The following DTNB variants were observed in gnomAD, a reference collection of about 807,000 sequenced individuals.
DTNB encodes dystrobrevin beta.
In DTNB, 63 loss-of-function variants were observed where a neutral mutation model predicts 90.7. The ratio of observed to expected loss-of-function variants is 0.69; its 90% CI spans 0.57 to 0.86. The LOEUF (loss-of-function observed/expected upper bound fraction) is 0.86. Ranked by LOEUF, DTNB falls within the 40% of genes least tolerant of loss-of-function variation. The probability of loss-of-function intolerance (pLI) is 0.00; values close to 1 mark genes in which losing one functional copy is unlikely to be tolerated. For missense variants in DTNB, 744 were observed against 807.1 expected (o/e 0.92, Z 0.95); for synonymous variants, 277 against 286.7 (o/e 0.97, Z 0.34).
At chr2:25,622,856 G>A (rs1222807049) in intron 4 of DTNB, among the ~76,000 whole-genome samples, 2 of 151,890 alleles carry the variant, frequency 1.3e-5, no homozygotes, top group African/African-American at 4.8e-5. Flanking sequence ...AAGACAATAC[G>A]AAACAAGAAC....
At chr2:25,403,310 T>A (rs1443570789) in intron 16 of DTNB, among the ~76,000 whole-genome samples, 5 of 152,198 alleles carry the variant, frequency 3.3e-5, no homozygotes, top group African/African-American at 1.2e-4. Context: ...GAGATGGGGT[T>A]CCGCCATGTT....
At chr2:25,587,816 A>C (rs1487063712) in intron 6 of DTNB, among the ~76,000 whole-genome samples, 2 of 152,130 alleles carry the variant, frequency 1.3e-5, no homozygotes, top group African/African-American at 2.4e-5. Context: ...TACTATAGAG[A>C]CCTGATCATA....
chr2:25,499,820 GGT>G (rs1317773618), intron 9 of DTNB, among the ~76,000 whole-genome samples: 1 of 152,164 alleles, frequency 6.6e-6, no homozygotes, highest in Non-Finnish European at 1.5e-5. Context: ...GGAACACACT[GGT>G]TGCTCAACAA....
intron 14 of DTNB, among the ~76,000 whole-genome samples, chr2:25,430,431 T>C (rs1485920695): frequency 1.3e-5 from 2 of 152,144 alleles, no homozygotes; most frequent in African/African-American, 2.4e-5. Flanking sequence ...TTATCTGTAC[T>C]GTGTGTGACC....
At chr2:25,580,170 C>G (rs1051666071) in intron 7 of DTNB, among the ~76,000 whole-genome samples, 1 of 151,788 alleles carries the variant, frequency 6.6e-6, no homozygotes, top group African/African-American at 2.4e-5. Context: ...TTAGTAGAAA[C>G]AGGGTTTTGC....
intron 6 of DTNB, among the ~76,000 whole-genome samples, chr2:25,592,411 A>G (rs73922441): frequency 0.061 from 9,262 of 152,156 alleles, 906 homozygotes; most frequent in African/African-American, 0.21. Context: ...AGTACTGGAT[A>G]CTCCAAATAT....
At chr2:25,471,715 T>C (rs2062847385) in intron 10 of DTNB, among the ~76,000 whole-genome samples, 1 of 152,150 alleles carries the variant, frequency 6.6e-6, no homozygotes, top group African/African-American at 2.4e-5. Flanking sequence ...ATCAAAAATC[T>C]TTACCAAATA....
chr2:25,532,809 T>G (rs1376622788), intron 8 of DTNB, among the ~76,000 whole-genome samples: 1 of 152,210 alleles, frequency 6.6e-6, no homozygotes, highest in Non-Finnish European at 1.5e-5. Flanking sequence ...AAATAAAACA[T>G]GGCTGCAGCT....
At chr2:25,639,117 G>A (rs1428148632) in intron 2 of DTNB, 23 bp from the exon 3 acceptor site, 21 of 1,546,406 alleles carry the variant, frequency 1.4e-5, no homozygotes, top group Non-Finnish European at 1.7e-5. Context: ...AAACAGAAAT[G>A]CTCAACTAGA....
intron 6 of DTNB, among the ~76,000 whole-genome samples, chr2:25,585,415 A>C (rs1244093315): frequency 6.6e-6 from 1 of 151,984 alleles, no homozygotes; most frequent in Non-Finnish European, 1.5e-5. Flanking sequence ...GCAGTCTCAT[A>C]TTTTTTCTTA....
chr2:25,455,360 C>G, intron 11 of DTNB, 45 bp downstream of exon 11: 1 of 1,532,958 alleles, frequency 6.5e-7, no homozygotes, highest in African/African-American at 1.4e-5. Context: ...CTCTCCCTCC[C>G]TCTGATCACC....
At position 25,549,381 on chromosome 2, in the gene DTNB, G is replaced by A. The variant is rs2083121713; in HGVS notation, c.877-17784C>T. On this transcript the variant is annotated intron_variant, in intron 8 of 20. Transcript: ENST00000406818. ...TTTTGCTACTGTTATCTTATAATAG[G>A]TTTAAAGTTTATATTTTATATCTAA... is the stretch of plus-strand genomic sequence containing the variant. Among the ~76,000 whole-genome samples the A allele has an allele frequency of 4.0e-5, 6 of 151,806 alleles. No homozygotes were observed. In the South Asian group the frequency reaches 1.2e-3, roughly 31 times the overall value.
At chr2:25,408,538 CAAAAAAAAAAAAAAA>C (rs11395783) in intron 16 of DTNB, among the ~76,000 whole-genome samples, 1 of 32,728 alleles carries the variant, frequency 3.1e-5, no homozygotes, top group Admixed American at 3.9e-4. Flanking sequence ...GACTCCATCT[CAAAAAAAAAAAAAAA>C]AAAAAAAAAA....
chr2:25,649,066 G>A (rs560956290), intron 2 of DTNB, among the ~76,000 whole-genome samples: 86 of 130,162 alleles, frequency 6.6e-4, no homozygotes, highest in African/African-American at 2.2e-3. Flanking sequence ...GTGCAGTGGC[G>A]CGATCTTGGC....
At chr2:25,395,987 A>C (rs894160466) in intron 16 of DTNB, among the ~76,000 whole-genome samples, 1 of 152,202 alleles carries the variant, frequency 6.6e-6, no homozygotes, top group Non-Finnish European at 1.5e-5. Flanking sequence ...GTGCTAGGAC[A>C]ATTCACAATT....
rs532775241 is a variant in DTNB at position 25,457,002 on chromosome 2, GTTTTTTTTC to G, written c.1080-1517_1080-1509del. Among the ~76,000 whole-genome samples the G allele has an allele frequency of 2.6e-4, 40 of 151,596 alleles. 1 individual carries two copies. In the South Asian group the frequency reaches 5.6e-3, roughly 21 times the overall value. On this transcript the variant is annotated intron_variant, in intron 10 of 20. Transcript: ENST00000406818. Reference sequence around the variant, plus strand: ...CTTTCTAGCACAATAAAATGCTCTAGTTTTTTTTCTTTTTTTTCTTTTTTTGAGACGGAG... The same window carrying G: ...CTTTCTAGCACAATAAAATGCTCTAGTTTTTTTTCTTTTTTTGAGACGGAG...
chr2:25,628,473 T>A, intron 3 of DTNB, 89 bp from the exon 4 acceptor site: 2 of 1,258,944 alleles, frequency 1.6e-6, no homozygotes, highest in Non-Finnish European at 2.2e-6. Context: ...AACTAGTTCT[T>A]AAGTTTAAAG....
chr2:25,577,120 C>T, intron 7 of DTNB, 116 bp from the exon 8 acceptor site: 1 of 1,177,430 alleles, frequency 8.5e-7, no homozygotes, highest in East Asian at 2.8e-5. Flanking sequence ...AATACCAAAA[C>T]TAATATAAAA....
intron 8 of DTNB, among the ~76,000 whole-genome samples, chr2:25,556,178 T>TC (rs1450942797): frequency 1.4e-5 from 2 of 147,504 alleles, no homozygotes; most frequent in East Asian, 3.9e-4. Flanking sequence ...CTCTTTTTTT[T>TC]TTTTTTTTTT....
Sources: gnomAD v4.1 joint callset for allele counts (sites outside exome capture counted in the v4.1 genomes callset) on GRCh38, gnomAD v4.1.1 for gene constraint, MANE v1.5 for transcripts, NCBI Gene and HGNC (gene_info 2026-07-23, HGNC 2026-07-21) for gene names.